Variants in CCBE1 observed in about 807,000 individuals in gnomAD.
CCBE1 encodes the protein collagen and calcium-binding EGF domain-containing protein 1.
CCBE1 carries 37 observed loss-of-function variants against 50.0 expected under a neutral mutation model. The observed-to-expected ratio is 0.74, with a 90% CI of 0.57 to 0.97. The LOEUF (loss-of-function observed/expected upper bound fraction) is 0.97, where lower values mean the gene tolerates loss of function less well. CCBE1 is among the 50% of genes least tolerant of loss of function. CCBE1 has a pLI of 0.00. For missense variants in CCBE1, 538 were observed against 523.8 expected (o/e 1.03, Z -0.26); for synonymous variants, 234 against 203.7 (o/e 1.15, Z -1.27).
chr18:59,620,293 C>A (rs1031709842), intron 2 of CCBE1, among the ~76,000 whole-genome samples: 1 of 152,136 alleles, frequency 6.6e-6, no homozygotes, highest in Non-Finnish European at 1.5e-5. Flanking sequence ...GACAACCCTG[C>A]TGTTTCTAGG....
At chr18:59,655,014 G>T (rs1454912222) in intron 2 of CCBE1, among the ~76,000 whole-genome samples, 1 of 151,068 alleles carries the variant, frequency 6.6e-6, no homozygotes, top group Non-Finnish European at 1.5e-5. Context: ...TTAAACCTGG[G>T]AGGCGGAGGT....
At chr18:59,546,448 G>A (rs377615676) in intron 2 of CCBE1, among the ~76,000 whole-genome samples, 2 of 152,340 alleles carry the variant, frequency 1.3e-5, no homozygotes, top group African/African-American at 4.8e-5. Context: ...ATAAGGGTTT[G>A]TACAGTGGGG....
intron 2 of CCBE1, among the ~76,000 whole-genome samples, chr18:59,511,958 C>A (rs773823539): frequency 6.6e-6 from 1 of 152,170 alleles, no homozygotes; most frequent in Non-Finnish European, 1.5e-5. Flanking sequence ...ATTTCCATTT[C>A]TTGTTCACAT....
intron 2 of CCBE1, among the ~76,000 whole-genome samples, chr18:59,575,193 C>T (rs2144495529): frequency 6.6e-6 from 1 of 152,262 alleles, no homozygotes; most frequent in East Asian, 1.9e-4. Context: ...AGACTTCAGC[C>T]TCTAGAACTA....
intron 2 of CCBE1, among the ~76,000 whole-genome samples, chr18:59,550,998 C>CAAAAAAAAAAAAAAAAAAAAAA (rs555160847): frequency 2.8e-4 from 20 of 71,378 alleles, no homozygotes; most frequent in Non-Finnish European, 4.1e-4. Flanking sequence ...CAGCGAGACT[C>CAAAAAAAAAAAAAAAAAAAAAA]AAAAAAAAAA....
intron 2 of CCBE1, chr18:59,696,372 A>T: frequency 1.2e-6 from 1 of 863,888 alleles, no homozygotes; most frequent in Non-Finnish European, 1.7e-6. Flanking sequence ...ACTTCCACAC[A>T]AGTATTTCAG....
intron 2 of CCBE1, among the ~76,000 whole-genome samples, chr18:59,549,458 C>T (rs1944984): frequency 6.6e-6 from 1 of 151,954 alleles, no homozygotes; most frequent in Non-Finnish European, 1.5e-5. Flanking sequence ...TTAAGAGCGT[C>T]TAATATTTTA....
At chr18:59,516,579 G>A (rs1598970509) in intron 2 of CCBE1, among the ~76,000 whole-genome samples, 1 of 152,320 alleles carries the variant, frequency 6.6e-6, no homozygotes, top group East Asian at 1.9e-4. Flanking sequence ...GGGGGTCACT[G>A]CAGTTTATCT....
chr18:59,552,340 T>C (rs1915959682), intron 2 of CCBE1, among the ~76,000 whole-genome samples: 1 of 152,216 alleles, frequency 6.6e-6, no homozygotes, highest in Non-Finnish European at 1.5e-5. Flanking sequence ...CGCCTTTGTG[T>C]ATTATGAAGT....
At chr18:59,491,907 AG>A in intron 2 of CCBE1, among the ~76,000 whole-genome samples, 1 of 152,062 alleles carries the variant, frequency 6.6e-6, no homozygotes, top group Non-Finnish European at 1.5e-5. Context: ...GCACTTTGGG[AG>A]GCCGAGGCGA....
At chr18:59,617,783 C>T (rs1850283396) in intron 2 of CCBE1, among the ~76,000 whole-genome samples, 1 of 152,176 alleles carries the variant, frequency 6.6e-6, no homozygotes, top group Non-Finnish European at 1.5e-5. Context: ...TCTGGGATTA[C>T]TAAAGCCAGA....
At chr18:59,440,984 T>A (rs1910395046) in intron 7 of CCBE1, among the ~76,000 whole-genome samples, 1 of 152,142 alleles carries the variant, frequency 6.6e-6, no homozygotes, top group African/African-American at 2.4e-5. Flanking sequence ...AAGCATAAGG[T>A]AACAGCATCC....
intron 2 of CCBE1, among the ~76,000 whole-genome samples, chr18:59,660,322 T>C: frequency 6.6e-6 from 1 of 152,162 alleles, no homozygotes; most frequent in East Asian, 1.9e-4. Context: ...AGTTTTAAGA[T>C]TTAAATGCCC....
chr18:59,451,895 C>T (rs867962565), intron 6 of CCBE1, among the ~76,000 whole-genome samples: 1 of 152,132 alleles, frequency 6.6e-6, no homozygotes, highest in African/African-American at 2.4e-5. Context: ...CCTCCTTCCA[C>T]GTGCCCCATC....
At chr18:59,690,871 A>G (rs1429578) in intron 2 of CCBE1, among the ~76,000 whole-genome samples, 130,565 of 152,232 alleles carry the variant, frequency 0.86, 56,287 homozygotes, top group Admixed American at 0.93. Flanking sequence ...TTAAACACAC[A>G]GGCAGGAACC....
chr18:59,439,280 C>G (rs1910302518), intron 9 of CCBE1, among the ~76,000 whole-genome samples: 1 of 149,992 alleles, frequency 6.7e-6, no homozygotes, highest in South Asian at 2.1e-4. Flanking sequence ...GAGTGAGACT[C>G]TGTCTCAAAA....
intron 2 of CCBE1, among the ~76,000 whole-genome samples, chr18:59,632,048 G>C (rs28634446): frequency 0.021 from 3,189 of 152,242 alleles, 94 homozygotes; most frequent in African/African-American, 0.073. Flanking sequence ...ACCTGCAAAA[G>C]CTTTAAGGTT....
intron 2 of CCBE1, among the ~76,000 whole-genome samples, chr18:59,584,991 A>T (rs1322324691): frequency 1.3e-5 from 2 of 152,288 alleles, no homozygotes; most frequent in Admixed American, 1.3e-4. Flanking sequence ...GCTGTAAGGC[A>T]AAGGATCAGA....
At chr18:59,693,350 T>C (rs1415109727) in intron 2 of CCBE1, among the ~76,000 whole-genome samples, 2 of 152,194 alleles carry the variant, frequency 1.3e-5, no homozygotes, top group Non-Finnish European at 2.9e-5. Flanking sequence ...CCAGCTTTCA[T>C]GGTCCCCCTT....
Sources: gnomAD v4.1 joint callset for allele counts (sites outside exome capture counted in the v4.1 genomes callset) on GRCh38, gnomAD v4.1.1 for gene constraint, MANE v1.5 for transcripts, NCBI Gene and HGNC (gene_info 2026-07-23, HGNC 2026-07-21) for gene names.